Variants in OTUB2 observed in about 807,000 individuals in gnomAD.
OTUB2 encodes the protein OTU deubiquitinase, ubiquitin aldehyde binding 2.
OTUB2 carries 21 observed loss-of-function variants against 25.1 expected under a neutral mutation model. That is an observed-to-expected ratio of 0.84 (90% CI 0.59 to 1.21). OTUB2 has a LOEUF of 1.21. Among genes scored for constraint, OTUB2 ranks in the 50% most tolerant of loss-of-function variants. The probability of loss-of-function intolerance (pLI) is 0.00; values close to 1 mark genes in which losing one functional copy is unlikely to be tolerated. For synonymous variants in OTUB2, 122 were observed against 122.8 expected (o/e 0.99, Z 0.04); for missense variants, 283 against 298.0 (o/e 0.95, Z 0.37).
intron 1 of OTUB2, among the ~76,000 whole-genome samples, chr14:94,029,187 C>G (rs2099905746): frequency 6.6e-6 from 1 of 152,190 alleles, no homozygotes; most frequent in Non-Finnish European, 1.5e-5. Context: ...GACGACCTCT[C>G]TGACGATGAA....
intron 1 of OTUB2, 25 bp downstream of exon 1, chr14:94,026,565 AG>A: frequency 1.3e-6 from 1 of 753,968 alleles, no homozygotes; most frequent in South Asian, 5.8e-5. Context: ...GGGATCGCGA[AG>A]GGGGAGCGGG....
intron 4 of OTUB2, 65 bp from the exon 5 acceptor site, chr14:94,044,521 G>A (rs1019363421): frequency 6.6e-7 from 1 of 1,508,152 alleles, no homozygotes; most frequent in African/African-American, 1.4e-5. Context: ...AGGGAGCGGA[G>A]GGAGAATGCA....
At chr14:94,035,605 A>G (rs560767404) in intron 1 of OTUB2, among the ~76,000 whole-genome samples, 1 of 152,184 alleles carries the variant, frequency 6.6e-6, no homozygotes, top group South Asian at 2.1e-4. Flanking sequence ...GTTCTTTAGG[A>G]CAATGAATTC....
chr14:94,042,132 G>A (rs749383669), intron 3 of OTUB2, among the ~76,000 whole-genome samples: 1 of 152,254 alleles, frequency 6.6e-6, no homozygotes, highest in South Asian at 2.1e-4. Flanking sequence ...AGAAGTATGC[G>A]AAGTACTTGT....
At chr14:94,034,739 G>A (rs980216147) in intron 1 of OTUB2, among the ~76,000 whole-genome samples, 2 of 152,218 alleles carry the variant, frequency 1.3e-5, no homozygotes, top group African/African-American at 2.4e-5. Flanking sequence ...CCTCACGCTC[G>A]CAGGATGGCT....
intron 3 of OTUB2, chr14:94,039,518 G>A (rs1410378026): frequency 5.7e-6 from 1 of 175,208 alleles, no homozygotes; most frequent in Non-Finnish European, 1.2e-5. Flanking sequence ...GCTGGAGAAG[G>A]TCTGTGTCCA....
In OTUB2 at chr14:94,026,448, A is replaced by T. The variant is rs1884860306; in HGVS notation, c.-90A>T. ...CCCTCGAGGTCCCCGCCACCGAACC[A>T]GCGGCGGAGCCCGCCCGCGCCTCCC... On this transcript the variant is annotated 5_prime_UTR_variant, in exon 1 of 6. Coordinates refer to ENST00000203664, the MANE Select transcript of OTUB2 (RefSeq NM_023112.4). 1 of 1,314,592 alleles carries T rather than the reference A, an allele frequency of 7.6e-7. No homozygotes were observed. The highest frequency in any genetic ancestry group is 9.7e-7 in the Non-Finnish European group (1 of 1,030,836). The allele number at this position is 1,314,592 out of a possible 1,614,324, so 81.4% of individuals were successfully genotyped here. A position where few individuals can be genotyped will look rare whatever the true frequency, so the allele number is the denominator to read the frequency against.
At chr14:94,045,662 T>G in intron 5 of OTUB2, 54 bp from the exon 6 acceptor site, 1 of 1,558,578 alleles carries the variant, frequency 6.4e-7, no homozygotes, top group Admixed American at 1.8e-5. Flanking sequence ...AACTCACTTG[T>G]CCTCTGCCAG....
At chr14:94,033,981 G>A (rs1242527809) in intron 1 of OTUB2, among the ~76,000 whole-genome samples, 1 of 152,168 alleles carries the variant, frequency 6.6e-6, no homozygotes, top group Non-Finnish European at 1.5e-5. Context: ...CAATAAATCT[G>A]GCTTGGTTTA....
intron 1 of OTUB2, among the ~76,000 whole-genome samples, chr14:94,032,838 T>G (rs1190765656): frequency 6.6e-6 from 1 of 152,244 alleles, no homozygotes; most frequent in African/African-American, 2.4e-5. Context: ...AATTCCTTCC[T>G]GAGGCTGATG....
chr14:94,045,618 G>C, intron 5 of OTUB2, 98 bp from the exon 6 acceptor site: 4 of 1,194,762 alleles, frequency 3.3e-6, no homozygotes, highest in Non-Finnish European at 4.8e-6. Flanking sequence ...TCCCAGCACA[G>C]AGGCTGTGAC....
At chr14:94,036,515 C>T (rs1354433646) in intron 1 of OTUB2, among the ~76,000 whole-genome samples, 1 of 152,036 alleles carries the variant, frequency 6.6e-6, no homozygotes, top group African/African-American at 2.4e-5. Flanking sequence ...CTTGTTTGAG[C>T]CCTGCTGACA....
In OTUB2 at chr14:94,045,972, T is replaced by G. The variant is rs924707412; in HGVS notation, c.*50T>G. ...CCTGTCACCTAATGGGACTGCATTC[T>G]GAATGGAACATTCCGGCTCTTCAAT... On this transcript the variant is annotated 3_prime_UTR_variant, in exon 6 of 6. Coordinates refer to ENST00000203664, the MANE Select transcript of OTUB2 (RefSeq NM_023112.4). The G allele has an allele frequency of 3.2e-6, 5 of 1,569,752 alleles. No homozygotes were observed. Among genetic ancestry groups the G allele is most frequent in the Admixed American group, 3.4e-5 (2 of 59,316 alleles).
rs370284565 is a variant in OTUB2, at chr14:94,044,678, G to A, written c.396G>A (p.Val132=). Residue 132 remains valine (V), a synonymous_variant, in exon 5 of 6, where the codon GTG becomes GTA. Coordinates refer to ENST00000203664, the MANE Select transcript of OTUB2 (RefSeq NM_023112.4). ...ACCAGAGTGCCTCGGACCACATCGT[G>A]CAGTTCCTGCGCCTGCTCACGTCGG... is the stretch of plus-strand genomic sequence containing the variant. The part of the protein sequence containing the change: ...FNDQSASDHI[V]QFLRLLTSAF... 1.2e-5 allele frequency: 20 copies of A among 1,614,074 alleles called. No individual in the cohort carries two copies. In the African/African-American group the frequency reaches 2.7e-4, roughly 22 times the overall value.
In OTUB2 at chr14:94,048,904, C is replaced by T. The variant is rs1162238535; in HGVS notation, c.*2982C>T. 1.3e-5 allele frequency: 2 copies of T among 152,272 alleles called. No individual in the cohort carries two copies. The highest frequency in any genetic ancestry group is 1.3e-4 in the Admixed American group (2 of 15,290). 9.4% of individuals were successfully genotyped at this position (152,272 alleles called of 1,614,324 possible). ...TCCCTAGGCAGTAAGTAAAAACATT[C>T]TCCTAGCATTAAAATGGTTTCCATA... On this transcript the variant is annotated 3_prime_UTR_variant, in exon 6 of 6. Transcript: ENST00000203664.
At chr14:94,036,593 T>G (rs1885058742) in intron 1 of OTUB2, among the ~76,000 whole-genome samples, 1 of 152,146 alleles carries the variant, frequency 6.6e-6, no homozygotes, top group African/African-American at 2.4e-5. Flanking sequence ...TGCAGTTTCC[T>G]TCACCCTGAA....
Position 94,044,632 on chromosome 14 carries a change from G to C in OTUB2, c.350G>C (p.Ser117Thr). ...GTAGAGAAGGATGGCTCAGTGTCCA[G>C]CCTGCTGAAGGTGTTCAACGACCAG... Reference protein sequence around the residue: ...ELVEKDGSVSSLLKVFNDQSA... With the variant: ...ELVEKDGSVSTLLKVFNDQSA... The change falls in exon 5 of 6, where the codon AGC becomes ACC. Residue 117 changes from serine to threonine, a missense_variant. Physicochemically the swap from Ser to Thr is moderately conservative, Grantham distance 58 (BLOSUM62 1). Coordinates refer to ENST00000203664, the MANE Select transcript of OTUB2 (RefSeq NM_023112.4). 3 of 1,614,166 alleles carry C rather than the reference G, an allele frequency of 1.9e-6. No homozygotes were observed. The highest frequency in any genetic ancestry group is 2.5e-6 in the Non-Finnish European group (3 of 1,180,018).
chr14:94,043,752 C>G (rs1049932672), intron 3 of OTUB2, among the ~76,000 whole-genome samples: 1 of 152,178 alleles, frequency 6.6e-6, no homozygotes, highest in Non-Finnish European at 1.5e-5. Context: ...CCACCATGCA[C>G]ACACACACAA....
In OTUB2 at chr14:94,039,015, G is replaced by C. The variant is rs1253339459; in HGVS notation, c.152G>C (p.Cys51Ser). The change falls in exon 3 of 6, where the codon TGC (cysteine) becomes TCC (serine). Residue 51 changes from cysteine to serine, a missense_variant. Physicochemically the swap from Cys to Ser is moderately radical, Grantham distance 112. Coordinates refer to ENST00000203664, the MANE Select transcript of OTUB2 (RefSeq NM_023112.4). ...CGCAAGACCAAAGGGGATGGGAACT[G>C]CTTCTACAGGGCCTTGGGCTATTCC... The part of the protein sequence containing the change: ...AIRKTKGDGN[C>S]FYRALGYSYL... 4 of 1,614,246 alleles carry C rather than the reference G, an allele frequency of 2.5e-6. No individual in the cohort carries two copies. In the South Asian group the frequency reaches 4.4e-5, roughly 18 times the overall value.
Sources: gnomAD v4.1 joint callset for allele counts (sites outside exome capture counted in the v4.1 genomes callset) on GRCh38, gnomAD v4.1.1 for gene constraint, MANE v1.5 for transcripts, NCBI Gene and HGNC (gene_info 2026-07-23, HGNC 2026-07-21) for gene names.